The following DYNC1H1 variants were observed in gnomAD, a reference collection of about 807,000 sequenced individuals.
The protein encoded by DYNC1H1 is cytoplasmic dynein 1 heavy chain 1.
In DYNC1H1, 51 loss-of-function variants were observed where a neutral mutation model predicts 527.1. The ratio of observed to expected loss-of-function variants is 0.10; its 90% CI spans 0.08 to 0.12. The LOEUF is 0.12. Among genes scored for constraint, DYNC1H1 ranks in the 10% least tolerant of loss-of-function variants. DYNC1H1 has a pLI of 1.00. For missense variants in DYNC1H1, 2,771 were observed against 5,971.8 expected, an observed-to-expected ratio of 0.46 and a Z score of 17.66; for synonymous variants, 2,189 against 2,278.8, an observed-to-expected ratio of 0.96 and a Z score of 1.12.
At chr14:102,024,673 T>G (rs1042533129) in intron 43 of DYNC1H1, among the ~76,000 whole-genome samples, 2 of 29,334 alleles carry the variant, frequency 6.8e-5, no homozygotes, top group Non-Finnish European at 1.1e-4. Context: ...TCCCTGTGGC[T>G]TATCTTTTTT....
rs1208351516 is a variant in DYNC1H1 at position 101,997,873 on chromosome 14, A to G, written c.3804+599A>G. 6.6e-6 allele frequency among the ~76,000 whole-genome samples: 1 copy of G among 152,170 alleles called. No homozygotes were observed. Among genetic ancestry groups the G allele is most frequent in the Non-Finnish European group, 1.5e-5 (1 of 68,026 alleles). On this transcript the variant is annotated intron_variant, in intron 16 of 77. Coordinates refer to ENST00000360184, the MANE Select transcript of DYNC1H1 (RefSeq NM_001376.5). The surrounding 1 kb of genome is among the most constrained non-coding windows in gnomAD (Gnocchi z 4.8). ...TCACGCTCCGTGGGAGAGAGAAAAA[A>G]AATGAGCAAGAAGAGACAGGAAAGG...
chr14:102,015,523 C>T lies in DYNC1H1; in HGVS notation c.7242+191C>T, dbSNP rs2048310068. ...CCAACTTTTGTGTAATCAATGTTGT[C>T]TTCTGCCAGCTTAAACAAGGAAGCC... On this transcript the variant is annotated intron_variant, in intron 35 of 77. Transcript: ENST00000360184. This position sits in a 1 kb window ranked among gnomAD's most constrained non-coding sequence, Gnocchi z 6.9. 6.6e-6 allele frequency among the ~76,000 whole-genome samples: 1 copy of T among 152,172 alleles called. No individual in the cohort carries two copies. The highest frequency in any genetic ancestry group is 2.1e-4 in the South Asian group (1 of 4,834).
Position 102,027,130 on chromosome 14 carries a change from G to A in DYNC1H1, c.8772-44G>A, listed in dbSNP as rs1241671106. The A allele has an allele frequency of 2.5e-6, 4 of 1,584,972 alleles. No individual in the cohort carries two copies. Among genetic ancestry groups the A allele is most frequent in the East Asian group, 2.2e-5 (1 of 44,724 alleles). On this transcript the variant is annotated intron_variant, in intron 44 of 77. Transcript: ENST00000360184. The surrounding 1 kb of genome is among the most constrained non-coding windows in gnomAD (Gnocchi z 7.7). ...TAGATATGAGTCAAAAGGGGAATGA[G>A]GCATTATAAGCCTTAACATTGATCA...
intron 7 of DYNC1H1, among the ~76,000 whole-genome samples, chr14:101,984,353 C>A (rs1305003672): frequency 7.1e-6 from 1 of 141,338 alleles, no homozygotes; most frequent in African/African-American, 2.7e-5. Context: ...TCTTTAAGAT[C>A]TAGTGATTCT....
Position 102,042,310 on chromosome 14 carries a change from G to A in DYNC1H1, c.12275+22G>A, listed in dbSNP as rs940253737. On this transcript the variant is annotated intron_variant, in intron 67 of 77. Coordinates refer to ENST00000360184, the MANE Select transcript of DYNC1H1 (RefSeq NM_001376.5). The surrounding 1 kb of genome is among the most constrained non-coding windows in gnomAD (Gnocchi z 5.7). ...GCAGGTAGGCCTGTTCTCTTTGGCTGAAGAAAGCCTTAGTCCCCAGGCATT... is the reference window on the plus strand; with the variant it reads ...GCAGGTAGGCCTGTTCTCTTTGGCTAAAGAAAGCCTTAGTCCCCAGGCATT... 2 of 1,614,146 alleles carry A rather than the reference G, an allele frequency of 1.2e-6. No homozygotes were observed. The highest frequency in any genetic ancestry group is 1.7e-5 in the Admixed American group (1 of 60,012).
At chr14:102,000,432 A>G (rs377274776) in intron 18 of DYNC1H1, 33 bp downstream of exon 18, 77 of 1,601,634 alleles carry the variant, frequency 4.8e-5, no homozygotes, top group Admixed American at 5.0e-5. Context: ...GTGTACGTCT[A>G]TTTTAACAGT....
rs1348945245 is a variant in DYNC1H1, at chr14:102,000,024, C to T, written c.3840C>T (p.Leu1280=). Reference sequence around the variant, plus strand: ...GCCCAGAAGAGGCACTTCAGGCTCTCACCATATATGAGGGGAAGTTTGGTA... The same window carrying T: ...GCCCAGAAGAGGCACTTCAGGCTCTTACCATATATGAGGGGAAGTTTGGTA... The part of the protein sequence containing the change: ...NLRPEEALQA[L]TIYEGKFGRL... The change falls in exon 17 of 78, where the codon CTC becomes CTT. Residue 1280 remains leucine, a synonymous_variant. Coordinates refer to ENST00000360184, the MANE Select transcript of DYNC1H1 (RefSeq NM_001376.5). The T allele has an allele frequency of 2.5e-6, 4 of 1,614,068 alleles. No homozygotes were observed. Among genetic ancestry groups the T allele is most frequent in the African/African-American group, 2.7e-5 (2 of 74,924 alleles).
chr14:102,017,411 C>T lies in DYNC1H1; in HGVS notation c.8084C>T (p.Thr2695Ile). 1.2e-6 allele frequency: 2 copies of T among 1,614,186 alleles called. No individual in the cohort carries two copies. Among genetic ancestry groups the T allele is most frequent in the Non-Finnish European group, 1.7e-6 (2 of 1,180,044 alleles). The change falls in exon 40 of 78, where the codon ACC becomes ATC. Residue 2695 changes from threonine (T) to isoleucine (I), a missense_variant. Coordinates refer to ENST00000360184, the MANE Select transcript of DYNC1H1 (RefSeq NM_001376.5). This position sits in a 1 kb window ranked among gnomAD's most constrained non-coding sequence, Gnocchi z 4.6. ...QMVEHGGFYR[T>I]SDQTWVKLER... ...GTGGAGCACGGAGGCTTTTACCGTA[C>T]CTCAGATCAAACATGGGTGAAGCTG...
At position 102,044,080 on chromosome 14, in the gene DYNC1H1, G is replaced by C. The variant is rs17541588; in HGVS notation, c.12684+35G>C. 438 of 1,611,046 alleles carry C rather than the reference G, an allele frequency of 2.7e-4. 5 individuals are homozygous for C. The South Asian group carries it at 4.3e-3, about 16-fold the overall frequency. On this transcript the variant is annotated intron_variant, in intron 70 of 77. Transcript: ENST00000360184. This position sits in a 1 kb window ranked among gnomAD's most constrained non-coding sequence, Gnocchi z 7.1. ...GGCCATGCCAGGACAGACAGTGGAC[G>C]TGTATCTGGGAAGGATGCTGCAGGG... is the stretch of plus-strand genomic sequence containing the variant.
Position 102,012,469 on chromosome 14 carries a change from A to T in DYNC1H1, c.7013A>T (p.Asn2338Ile). 1 of 1,614,176 alleles carries T rather than the reference A, an allele frequency of 6.2e-7. No individual in the cohort carries two copies. The change falls in exon 34 of 78, where the codon AAT becomes ATT. Residue 2338 changes from asparagine (N) to isoleucine (I), a missense_variant and splice_region_variant. Physicochemically the swap from Asn to Ile is moderately radical, Grantham distance 149. Transcript: ENST00000360184. The surrounding 1 kb of genome is among the most constrained non-coding windows in gnomAD (Gnocchi z 4.9). Reference sequence around the variant, plus strand: ...GGAGAGCGCCTCAGTCTTCCACCCAATGTAAGTAGCCTTTTGTATGTCGTC... The same window carrying T: ...GGAGAGCGCCTCAGTCTTCCACCCATTGTAAGTAGCCTTTTGTATGTCGTC... Reference protein sequence around the residue: ...PNGERLSLPPNVRIMFEVQDL... With the variant: ...PNGERLSLPPIVRIMFEVQDL...
chr14:102,040,411 G>GTGAT lies in DYNC1H1; in HGVS notation c.11865+4_11865+7dup. The stretch of plus-strand genomic sequence containing the variant: ...GATTGCAAAGGTTCAGGCAGACGAG[G>GTGAT]TGATTGTTCTCTTGAATGTTCCCAG... On this transcript the variant is annotated splice_donor_variant, in intron 63 of 77. Transcript: ENST00000360184. LOFTEE classifies it high-confidence loss of function. 6.2e-7 allele frequency: 1 copy of GTGAT among 1,614,204 alleles called. No individual in the cohort carries two copies. Among genetic ancestry groups the GTGAT allele is most frequent in the Non-Finnish European group, 8.5e-7 (1 of 1,180,032 alleles).
intron 48 of DYNC1H1, 30 bp downstream of exon 48, chr14:102,028,171 A>C: frequency 6.2e-7 from 1 of 1,610,576 alleles, no homozygotes; most frequent in Non-Finnish European, 8.5e-7. Flanking sequence ...CAACAGATAA[A>C]CCACAAAACT....
At chr14:102,009,072 T>A (rs1391434592) in intron 29 of DYNC1H1, among the ~76,000 whole-genome samples, 1 of 152,102 alleles carries the variant, frequency 6.6e-6, no homozygotes, top group Non-Finnish European at 1.5e-5. Flanking sequence ...CTGCCATCTG[T>A]CTTTGGAAAC....
intron 43 of DYNC1H1, among the ~76,000 whole-genome samples, chr14:102,024,482 T>C (rs1176731175): frequency 6.6e-6 from 1 of 152,158 alleles, no homozygotes; most frequent in Non-Finnish European, 1.5e-5. Flanking sequence ...TTAGGTCTTC[T>C]GAATGGCTTT....
intron 7 of DYNC1H1, among the ~76,000 whole-genome samples, chr14:101,984,429 GTGTA>G (rs200486053): frequency 0.068 from 6,243 of 91,892 alleles, 199 homozygotes; most frequent in Non-Finnish European, 0.1. Context: ...GTGTGTGTGT[GTGTA>G]TATATATATA....
At position 102,038,518 on chromosome 14, in the gene DYNC1H1, CAG is replaced by C. The variant is rs1567020949; in HGVS notation, c.10968_10969del (p.Gly3658GlufsTer48). The C allele has an allele frequency of 1.2e-6, 2 of 1,614,118 alleles. No homozygotes were observed. The highest frequency in any genetic ancestry group is 8.5e-7 in the Non-Finnish European group (1 of 1,180,026). On this transcript the variant is annotated frameshift_variant, in exon 58 of 78. Coordinates refer to ENST00000360184, the MANE Select transcript of DYNC1H1 (RefSeq NM_001376.5). LOFTEE classifies it high-confidence loss of function. This position sits in a 1 kb window ranked among gnomAD's most constrained non-coding sequence, Gnocchi z 7.2. ...GTGCTGAACCGTGAAGTGCGGCGAA[CAG>C]GGGGGAGAGTGCTGATCACTCTCGG...
At chr14:102,030,338 T>G (rs569806117) in intron 51 of DYNC1H1, 56 bp downstream of exon 51, 3 of 1,613,292 alleles carry the variant, frequency 1.9e-6, no homozygotes, top group East Asian at 2.2e-5. Context: ...CCGTCAACAT[T>G]ACTGTGGAGT....
Position 102,036,387 on chromosome 14 carries a change from C to G in DYNC1H1, c.10755-102C>G, listed in dbSNP as rs2048575494. The G allele has an allele frequency of 6.6e-7, 1 of 1,515,282 alleles. No individual in the cohort carries two copies. Among genetic ancestry groups the G allele is most frequent in the East Asian group, 2.3e-5 (1 of 44,260 alleles). The allele number at this position is 1,515,282 out of a possible 1,614,324, so 93.9% of individuals were successfully genotyped here. A position where few individuals can be genotyped will look rare whatever the true frequency, so the allele number is the denominator to read the frequency against. On this transcript the variant is annotated intron_variant, in intron 56 of 77. Coordinates refer to ENST00000360184, the MANE Select transcript of DYNC1H1 (RefSeq NM_001376.5). This position sits in a 1 kb window ranked among gnomAD's most constrained non-coding sequence, Gnocchi z 5.6. ...GGAAACCACTCTCGGGTGGTGGTAA[C>G]AGCCTATCAATCAGGGTCTCTCATC...
Position 102,010,968 on chromosome 14 carries a change from T to A in DYNC1H1, c.6618+16T>A, listed in dbSNP as rs1393406334. 2 of 1,613,970 alleles carry A rather than the reference T, an allele frequency of 1.2e-6. No homozygotes were observed. Among genetic ancestry groups the A allele is most frequent in the Admixed American group, 1.7e-5 (1 of 60,004 alleles). On this transcript the variant is annotated intron_variant, in intron 32 of 77. Transcript: ENST00000360184. This position sits in a 1 kb window ranked among gnomAD's most constrained non-coding sequence, Gnocchi z 6.0. ...GGTTGAAAAGGTAACTTGGATTGTTTCACTGGCCACTGCCCTCACAGACCC... is the reference window on the plus strand; with the variant it reads ...GGTTGAAAAGGTAACTTGGATTGTTACACTGGCCACTGCCCTCACAGACCC...
Sources: gnomAD v4.1 joint callset for allele counts (sites outside exome capture counted in the v4.1 genomes callset) on GRCh38, gnomAD v4.1.1 for gene constraint, Gnocchi (gnomAD v3.1) non-coding constraint, MANE v1.5 for transcripts, NCBI Gene and HGNC (gene_info 2026-07-23, HGNC 2026-07-21) for gene names.